SUMF1: variants seen among roughly 807,000 people sequenced by gnomAD.
The protein encoded by SUMF1 is sulfatase modifying factor 1, also known as formylglycine-generating enzyme.
In SUMF1, 48 loss-of-function variants were observed where a neutral mutation model predicts 47.6. That is an observed-to-expected ratio of 1.01 (90% CI 0.80 to 1.28). SUMF1 has a LOEUF of 1.28. SUMF1 is among the 50% of genes most tolerant of loss of function. The pLI is 0.00. For synonymous variants in SUMF1, 230 were observed against 192.1 expected (o/e 1.20, Z -1.63); for missense variants, 571 against 485.4 (o/e 1.18, Z -1.66).
chr3:4,105,359 G>A (rs1023514050), intron 8 of SUMF1, among the ~76,000 whole-genome samples: 2 of 152,100 alleles, frequency 1.3e-5, no homozygotes, highest in Non-Finnish European at 2.9e-5. Context: ...TTTAAAAAGA[G>A]TCTCCTTAAA....
intron 7 of SUMF1, among the ~76,000 whole-genome samples, chr3:4,383,168 C>T (rs1002537051): frequency 2.0e-5 from 3 of 152,128 alleles, no homozygotes; most frequent in Non-Finnish European, 4.4e-5. Context: ...CACTGGAGGT[C>T]AGGAGCTCAA....
chr3:4,057,947 G>C (rs1217212817), intron 9 of SUMF1, among the ~76,000 whole-genome samples: 4 of 152,126 alleles, frequency 2.6e-5, no homozygotes, highest in Non-Finnish European at 5.9e-5. Flanking sequence ...AGAGATTCAA[G>C]GTGTTGAGAA....
intron 8 of SUMF1, among the ~76,000 whole-genome samples, chr3:4,327,971 T>G (rs1698978420): frequency 6.6e-6 from 1 of 152,202 alleles, no homozygotes; most frequent in East Asian, 1.9e-4. Flanking sequence ...ATCTCAACAC[T>G]TTGGGAAGCC....
intron 8 of SUMF1, among the ~76,000 whole-genome samples, chr3:4,134,734 T>G (rs1693882128): frequency 6.6e-6 from 1 of 151,680 alleles, no homozygotes; most frequent in East Asian, 1.9e-4. Flanking sequence ...GCAAGACTAA[T>G]AAAGAAGAAA....
chr3:4,361,930 T>A lies in SUMF1; in HGVS notation c.*214A>T. ...AAAGACTCTCAAAAGTAAAATATGG[T>A]GATGATCTCCAAAGATGCACCACAC... On this transcript the variant is annotated 3_prime_UTR_variant, in exon 9 of 9. Coordinates refer to ENST00000272902, the MANE Select transcript of SUMF1 (RefSeq NM_182760.4). The A allele has an allele frequency of 3.5e-6, 2 of 564,762 alleles. No homozygotes were observed. The highest frequency in any genetic ancestry group is 6.4e-6 in the Non-Finnish European group (2 of 313,734). 35.0% of individuals were successfully genotyped at this position (564,762 alleles called of 1,614,324 possible). A position where few individuals can be genotyped will look rare whatever the true frequency, so the allele number is the denominator to read the frequency against.
At chr3:4,061,169 A>T (rs1459198984) in intron 9 of SUMF1, among the ~76,000 whole-genome samples, 1 of 152,190 alleles carries the variant, frequency 6.6e-6, no homozygotes, top group African/African-American at 2.4e-5. Flanking sequence ...AGCAATGATG[A>T]CACCAGACCA....
chr3:4,313,097 A>G (rs1366060075), intron 8 of SUMF1: 1 of 1,614,018 alleles, frequency 6.2e-7, no homozygotes, highest in Admixed American at 1.7e-5. Flanking sequence ...TTTGAATGCA[A>G]TGTCCTGTGC....
intron 8 of SUMF1, among the ~76,000 whole-genome samples, chr3:4,073,805 T>A (rs961989728): frequency 1.3e-5 from 2 of 152,144 alleles, no homozygotes; most frequent in Non-Finnish European, 2.9e-5. Context: ...TAAATATACA[T>A]GCACCCAATA....
chr3:4,390,184 G>A (rs887703929), intron 7 of SUMF1, among the ~76,000 whole-genome samples: 4 of 152,178 alleles, frequency 2.6e-5, no homozygotes, highest in African/African-American at 7.2e-5. Flanking sequence ...CAGGTTCCTT[G>A]CTCAGCCTCT....
At chr3:4,217,179 C>A (rs1695943146) in intron 8 of SUMF1, among the ~76,000 whole-genome samples, 1 of 151,956 alleles carries the variant, frequency 6.6e-6, no homozygotes, top group South Asian at 2.1e-4. Context: ...GAATACTATG[C>A]AGCCATAAAA....
chr3:4,400,863 G>A (rs186517533), intron 7 of SUMF1, among the ~76,000 whole-genome samples: 17 of 152,104 alleles, frequency 1.1e-4, no homozygotes, highest in Admixed American at 7.2e-4. Context: ...TGTGCACAAC[G>A]TGCAGTTTTG....
intron 8 of SUMF1, among the ~76,000 whole-genome samples, chr3:4,333,863 C>T (rs979819418): frequency 6.6e-6 from 1 of 151,460 alleles, no homozygotes; most frequent in African/African-American, 2.4e-5. Flanking sequence ...CATAGTGGCT[C>T]ACACTTGTAA....
At chr3:4,082,596 G>A (rs772369821) in intron 8 of SUMF1, among the ~76,000 whole-genome samples, 7 of 152,102 alleles carry the variant, frequency 4.6e-5, no homozygotes, top group Non-Finnish European at 2.9e-5. Flanking sequence ...GACAAGGATT[G>A]CTGATGTGGA....
At chr3:4,359,125 G>A (rs988015515), downstream of SUMF1, among the ~76,000 whole-genome samples, 3 of 152,122 alleles carry the variant, frequency 2.0e-5, no homozygotes, top group Non-Finnish European at 4.4e-5. Context: ...CATTCAAACC[G>A]AACTTTTCTT....
chr3:4,244,010 T>C (rs188768493), intron 8 of SUMF1, among the ~76,000 whole-genome samples: 29 of 152,328 alleles, frequency 1.9e-4, no homozygotes, highest in African/African-American at 6.5e-4. Flanking sequence ...TACCATTATG[T>C]AATGGCCTTC....
intron 8 of SUMF1, among the ~76,000 whole-genome samples, chr3:4,134,509 G>A (rs1380346373): frequency 2.0e-5 from 3 of 152,192 alleles, no homozygotes; most frequent in Non-Finnish European, 4.4e-5. Context: ...GCCCACAAGA[G>A]AAAGCAGGAA....
At chr3:4,324,710 G>A (rs1338789901) in intron 8 of SUMF1, among the ~76,000 whole-genome samples, 1 of 152,078 alleles carries the variant, frequency 6.6e-6, no homozygotes, top group Non-Finnish European at 1.5e-5. Context: ...GGCTGACATG[G>A]GGTTGTGAAA....
At chr3:4,177,624 A>G (rs1694996200) in intron 8 of SUMF1, among the ~76,000 whole-genome samples, 2 of 152,296 alleles carry the variant, frequency 1.3e-5, no homozygotes, top group East Asian at 1.9e-4. Flanking sequence ...ATCACAATTA[A>G]AAGAACTAGA....
intron 8 of SUMF1, among the ~76,000 whole-genome samples, chr3:4,277,915 A>C (rs1247717166): frequency 1.3e-5 from 2 of 152,168 alleles, no homozygotes; most frequent in Non-Finnish European, 2.9e-5. Context: ...CACTATCATT[A>C]TCATCAAATT....
Sources: allele counts gnomAD v4.1 joint callset (sites outside exome capture counted in the v4.1 genomes callset), GRCh38; gene constraint gnomAD v4.1.1; transcripts MANE v1.5; gene names NCBI Gene and HGNC (gene_info 2026-07-23, HGNC 2026-07-21).